EIF4G3: variants seen among roughly 807,000 people sequenced by gnomAD.
EIF4G3 encodes eIF-4-gamma 3.
Under a neutral mutation model 186.4 loss-of-function variants are expected in EIF4G3, and 34 were observed. That is an observed-to-expected ratio of 0.18 (90% confidence interval 0.14 to 0.24). EIF4G3 has a LOEUF of 0.24. Ranked by LOEUF, EIF4G3 falls within the 10% of genes least tolerant of loss-of-function variation. The pLI, the probability that EIF4G3 is intolerant of heterozygous loss-of-function variation, is 1.00. For missense variants in EIF4G3, 1,536 were observed against 1,948.5 expected (o/e 0.79, Z 3.99); for synonymous variants, 673 against 679.5 (o/e 0.99, Z 0.15).
chr1:20,838,537 C>T (rs191061437), intron 30 of EIF4G3, among the ~76,000 whole-genome samples: 19 of 152,314 alleles, frequency 1.2e-4, no homozygotes, highest in African/African-American at 4.3e-4. Context: ...TGGCTAGTTA[C>T]TGGACTGAAT....
At chr1:21,158,807 T>C (rs576337414) in intron 2 of EIF4G3, among the ~76,000 whole-genome samples, 39 of 151,954 alleles carry the variant, frequency 2.6e-4, no homozygotes, top group East Asian at 1.9e-3. Flanking sequence ...ATAACTAGAG[T>C]ACATTTTGGG....
At chr1:20,815,680 C>T (rs1162908573) in intron 34 of EIF4G3, among the ~76,000 whole-genome samples, 7 of 147,462 alleles carry the variant, frequency 4.7e-5, no homozygotes, top group African/African-American at 7.5e-5. Context: ...CCCGGCCAGC[C>T]GCCCCGTCCG....
chr1:20,824,997 T>C lies in EIF4G3; in HGVS notation c.4368+103A>G. The C allele has an allele frequency of 6.1e-6, 4 of 660,534 alleles. No homozygotes were observed. The South Asian group carries it at 8.7e-5, about 14-fold the overall frequency. The allele number at this position is 660,534 out of a possible 1,614,324, so 40.9% of individuals were successfully genotyped here. A position where few individuals can be genotyped will look rare whatever the true frequency, so the allele number is the denominator to read the frequency against. ...GGACATCTTTACCAAGATTCCTATT[T>C]TGATGCAATTTTAACGACTGGAATA... On this transcript the variant is annotated intron_variant, in intron 33 of 36. Coordinates refer to ENST00000602326, the MANE Select transcript of EIF4G3 (RefSeq NM_001391906.1).
chr1:20,847,903 C>T (rs983704927), intron 29 of EIF4G3: 1 of 457,042 alleles, frequency 2.2e-6, no homozygotes, highest in Non-Finnish European at 4.5e-6. Flanking sequence ...CTATAGATAA[C>T]CAAGGTGATT....
At chr1:20,976,547 G>A (rs543282378) in intron 10 of EIF4G3, among the ~76,000 whole-genome samples, 117 of 152,002 alleles carry the variant, frequency 7.7e-4, no homozygotes, top group African/African-American at 2.6e-3. Flanking sequence ...CATTTTACTT[G>A]TCTATAATGT....
rs1043319207 is a variant in EIF4G3 at position 21,061,741 on chromosome 1, GT to G, written c.-195-10748del. ...ATCAATATGGTTTATTTCTCTGCTT[GT>G]TTTTTTTTTTTTTTTTCTTTTTTGA... On this transcript the variant is annotated intron_variant, in intron 3 of 36. Coordinates refer to ENST00000602326, the MANE Select transcript of EIF4G3 (RefSeq NM_001391906.1). Among the ~76,000 whole-genome samples, 1,277 of 129,018 alleles carry G rather than the reference GT, an allele frequency of 9.9e-3. 11 individuals are homozygous for G. Among genetic ancestry groups the G allele is most frequent in the African/African-American group, 0.03 (1,039 of 35,000 alleles). The allele number at this position is 129,018 out of a possible 152,430, so 84.6% of individuals were successfully genotyped here.
At chr1:20,822,191 A>G (rs1243492418) in intron 33 of EIF4G3, among the ~76,000 whole-genome samples, 1 of 152,092 alleles carries the variant, frequency 6.6e-6, no homozygotes, top group Non-Finnish European at 1.5e-5. Context: ...ATTTATTGAC[A>G]TAAAGATTAT....
chr1:20,914,827 C>T (rs550292332), intron 14 of EIF4G3, among the ~76,000 whole-genome samples: 14 of 152,260 alleles, frequency 9.2e-5, no homozygotes, highest in Admixed American at 3.3e-4. Flanking sequence ...TATTAAGCCT[C>T]GTTTCTGGAA....
At chr1:20,949,914 G>T in intron 13 of EIF4G3, 89 bp downstream of exon 13, 1 of 1,088,374 alleles carries the variant, frequency 9.2e-7, no homozygotes, top group Non-Finnish European at 1.4e-6. Context: ...ATCCTTGGAT[G>T]CTGTACTCTT....
chr1:20,861,703 G>A (rs2076383344), intron 23 of EIF4G3, among the ~76,000 whole-genome samples: 1 of 152,228 alleles, frequency 6.6e-6, no homozygotes, highest in Non-Finnish European at 1.5e-5. Flanking sequence ...GCTGGGCGTG[G>A]TGGCTCACGC....
chr1:20,977,368 G>T lies in EIF4G3; in HGVS notation c.493+2966C>A, dbSNP rs188106986. On this transcript the variant is annotated intron_variant, in intron 10 of 36. Transcript: ENST00000602326. The stretch of plus-strand genomic sequence containing the variant: ...CACCCTGCTAATTTTTGTATTTTAA[G>T]TAGAGATGGGGTTTCATCATGTTGG... Among the ~76,000 whole-genome samples the T allele has an allele frequency of 6.1e-4, 93 of 151,974 alleles. 1 individual carries two copies. The highest frequency in any genetic ancestry group is 1.3e-3 in the Non-Finnish European group (88 of 67,970).
intron 20 of EIF4G3, among the ~76,000 whole-genome samples, chr1:20,868,017 A>G (rs2167811): frequency 0.62 from 92,944 of 150,874 alleles, 29,092 homozygotes; most frequent in East Asian, 0.95. Flanking sequence ...GGGGATGGTT[A>G]ACAGGGCTGT....
chr1:20,979,732 C>T (rs959767923), intron 10 of EIF4G3, among the ~76,000 whole-genome samples: 1 of 151,102 alleles, frequency 6.6e-6, no homozygotes, highest in African/African-American at 2.4e-5. Flanking sequence ...TTGTAAGCCA[C>T]TCTCTAAAAA....
intron 2 of EIF4G3, among the ~76,000 whole-genome samples, chr1:21,142,527 T>G (rs2097359126): frequency 1.3e-5 from 2 of 152,076 alleles, no homozygotes; most frequent in African/African-American, 4.8e-5. Context: ...AAATTTTTTT[T>G]AAGTGGCTAA....
chr1:21,062,663 C>T (rs2094984302), intron 3 of EIF4G3, among the ~76,000 whole-genome samples: 1 of 152,194 alleles, frequency 6.6e-6, no homozygotes, highest in Admixed American at 6.5e-5. Context: ...AATCTTGGCT[C>T]ACTGCAACCA....
At chr1:21,101,214 A>G (rs1470624223) in intron 2 of EIF4G3, among the ~76,000 whole-genome samples, 1 of 152,040 alleles carries the variant, frequency 6.6e-6, no homozygotes, top group Non-Finnish European at 1.5e-5. Flanking sequence ...CTGGGATTAC[A>G]GGCATGAGCC....
chr1:20,995,210 T>A (rs2082030200), intron 7 of EIF4G3, among the ~76,000 whole-genome samples: 1 of 152,132 alleles, frequency 6.6e-6, no homozygotes, highest in African/African-American at 2.4e-5. Flanking sequence ...AAATACAATA[T>A]CCTAATTTTA....
chr1:20,968,104 G>T (rs2075093582), intron 12 of EIF4G3, among the ~76,000 whole-genome samples: 1 of 151,946 alleles, frequency 6.6e-6, no homozygotes, highest in South Asian at 2.1e-4. Flanking sequence ...TAATTTTTAA[G>T]ATCTGAAAAC....
chr1:20,847,780 TC>T, intron 29 of EIF4G3: 1 of 471,730 alleles, frequency 2.1e-6, no homozygotes, highest in South Asian at 1.5e-5. Flanking sequence ...TTGGTACATT[TC>T]CAACAGTTTC....
Sources: allele counts gnomAD v4.1 joint callset (sites outside exome capture counted in the v4.1 genomes callset), GRCh38; gene constraint gnomAD v4.1.1; transcripts MANE v1.5; gene names NCBI Gene and HGNC (gene_info 2026-07-23, HGNC 2026-07-21).